TANK: variants seen among roughly 807,000 people sequenced by gnomAD.
The protein encoded by TANK is TRAF family member-associated NF-kappa-B activator.
TANK carries 15 observed loss-of-function variants against 43.6 expected under a neutral mutation model. That is an observed-to-expected ratio of 0.34 (90% CI 0.23 to 0.53). TANK has a LOEUF of 0.53. Among genes scored for constraint, TANK ranks in the 20% least tolerant of loss-of-function variants. TANK has a pLI of 0.94. For missense variants in TANK, 417 were observed against 498.6 expected (o/e 0.84, Z 1.56); for synonymous variants, 162 against 178.2 (o/e 0.91, Z 0.73).
At chr2:161,212,063 C>CTTTTT (rs11375138) in intron 4 of TANK, 17 of 649,394 alleles carry the variant, frequency 2.6e-5, no homozygotes, top group African/African-American at 2.3e-4. Context: ...AATACATAAA[C>CTTTTT]TTTTTTTTTT....
chr2:161,183,717 G>A (rs1685532278), intron 2 of TANK, among the ~76,000 whole-genome samples: 1 of 151,982 alleles, frequency 6.6e-6, no homozygotes, highest in Non-Finnish European at 1.5e-5. Flanking sequence ...ATATATTCTT[G>A]TATGTTAAAA....
chr2:161,204,321 G>A (rs562903454), intron 3 of TANK, among the ~76,000 whole-genome samples: 1 of 152,126 alleles, frequency 6.6e-6, no homozygotes, highest in East Asian at 1.9e-4. Context: ...TAATAAGCAT[G>A]GAGTCATAAT....
chr2:161,171,747 C>T (rs1276232649), intron 1 of TANK, among the ~76,000 whole-genome samples: 1 of 152,084 alleles, frequency 6.6e-6, no homozygotes, highest in Admixed American at 6.5e-5. Flanking sequence ...CAGTAAATGA[C>T]TCAGGGATAC....
chr2:161,211,759 A>G (rs1686898381), intron 4 of TANK: 1 of 985,430 alleles, frequency 1.0e-6, no homozygotes, highest in Non-Finnish European at 1.2e-6. Flanking sequence ...TGCACACTGT[A>G]CAATGGCACA....
chr2:161,223,605 CA>C (rs921594647), intron 4 of TANK: 1 of 186,822 alleles, frequency 5.4e-6, no homozygotes, highest in African/African-American at 2.3e-5. Context: ...GCTTGGTGAA[CA>C]GAGCAGCAAT....
At position 161,236,129 on chromosome 2, in the gene TANK, G is replaced by A. The variant is rs7309; in HGVS notation, c.*611G>A. ...AATATACATGGCTTTAATTTTTACTGTGTGTATAGCTACATGATGAAATTA... is the reference window on the plus strand; with the variant it reads ...AATATACATGGCTTTAATTTTTACTATGTGTATAGCTACATGATGAAATTA... On this transcript the variant is annotated 3_prime_UTR_variant, in exon 8 of 8. Transcript: ENST00000392749. 0.43 allele frequency: 63,962 copies of A among 149,948 alleles called. 14,328 individuals are homozygous for A. Among genetic ancestry groups the A allele is most frequent in the Admixed American group, 0.55 (8,297 of 15,108 alleles). 9.3% of individuals were successfully genotyped at this position (149,948 alleles called of 1,614,324 possible).
At chr2:161,210,523 C>A (rs190171977) in intron 4 of TANK, among the ~76,000 whole-genome samples, 1 of 151,546 alleles carries the variant, frequency 6.6e-6, no homozygotes, top group Admixed American at 6.6e-5. Flanking sequence ...AAAATGAAAC[C>A]CCGTCTCTAC....
chr2:161,187,620 G>A (rs1355002363), intron 2 of TANK, among the ~76,000 whole-genome samples: 3 of 152,074 alleles, frequency 2.0e-5, no homozygotes, highest in African/African-American at 7.2e-5. Context: ...ATAATAGTAG[G>A]AGAATTAAAG....
intron 1 of TANK, among the ~76,000 whole-genome samples, chr2:161,172,094 AAGC>A: frequency 6.6e-6 from 1 of 152,310 alleles, no homozygotes; most frequent in East Asian, 1.9e-4. Context: ...AAGGTTAACA[AAGC>A]AGAGCATTAG....
rs1280461107 is a variant in TANK at position 161,235,778 on chromosome 2, A to C, written c.*260A>C. 3.8e-6 allele frequency: 1 copy of C among 261,128 alleles called. No homozygotes were observed. Among genetic ancestry groups the C allele is most frequent in the East Asian group, 7.8e-5 (1 of 12,740 alleles). The allele number at this position is 261,128 out of a possible 1,614,324, so 16.2% of individuals were successfully genotyped here. A position where few individuals can be genotyped will look rare whatever the true frequency, so the allele number is the denominator to read the frequency against. The stretch of plus-strand genomic sequence containing the variant: ...TGTAATCCTTTGTATTCATGTTTAC[A>C]GTGCTATTACTATAATTCAAAATTA... On this transcript the variant is annotated 3_prime_UTR_variant, in exon 8 of 8. Coordinates refer to ENST00000392749, the MANE Select transcript of TANK (RefSeq NM_001199135.3).
chr2:161,161,596 T>C (rs1469694843), intron 1 of TANK: 11 of 1,080,530 alleles, frequency 1.0e-5, no homozygotes, highest in Non-Finnish European at 1.4e-5. Context: ...TTATTTTGCT[T>C]TCTTATGAAA....
intron 4 of TANK, among the ~76,000 whole-genome samples, chr2:161,206,626 C>T (rs1490739586): frequency 6.6e-6 from 1 of 151,940 alleles, no homozygotes; most frequent in Non-Finnish European, 1.5e-5. Flanking sequence ...CACCCCCATT[C>T]GAATTTTCAT....
chr2:161,234,943 G>A (rs1478583743), intron 7 of TANK, among the ~76,000 whole-genome samples: 2 of 152,168 alleles, frequency 1.3e-5, no homozygotes, highest in Non-Finnish European at 2.9e-5. Flanking sequence ...TGTGTACTAT[G>A]TAATTAATAA....
chr2:161,210,169 A>G (rs1045206942), intron 4 of TANK, among the ~76,000 whole-genome samples: 1 of 152,192 alleles, frequency 6.6e-6, no homozygotes. Context: ...TTAGAATAGT[A>G]TAAACAGTGA....
At chr2:161,221,161 G>A (rs1174885887) in intron 4 of TANK, among the ~76,000 whole-genome samples, 1 of 152,100 alleles carries the variant, frequency 6.6e-6, no homozygotes, top group African/African-American at 2.4e-5. Flanking sequence ...AGTATGATGT[G>A]TAAAACTCTT....
At chr2:161,209,420 A>G (rs558114317) in intron 4 of TANK, among the ~76,000 whole-genome samples, 3 of 152,208 alleles carry the variant, frequency 2.0e-5, no homozygotes, top group African/African-American at 4.8e-5. Context: ...TATTTGTGTA[A>G]CAAATATAAA....
intron 7 of TANK, 53 bp downstream of exon 7, chr2:161,231,604 C>A: frequency 6.7e-7 from 1 of 1,486,166 alleles, no homozygotes; most frequent in Non-Finnish European, 9.3e-7. Flanking sequence ...CACATTTTGC[C>A]ATACATGCAC....
At chr2:161,234,774 GAT>G (rs1383258444) in intron 7 of TANK, among the ~76,000 whole-genome samples, 1 of 152,164 alleles carries the variant, frequency 6.6e-6, no homozygotes, top group Non-Finnish European at 1.5e-5. Context: ...AAAAACAAAA[GAT>G]AACATCAGTG....
At chr2:161,166,796 A>AG (rs1684701963) in intron 1 of TANK, among the ~76,000 whole-genome samples, 1 of 145,288 alleles carries the variant, frequency 6.9e-6, no homozygotes, top group African/African-American at 2.7e-5. Context: ...GCTCTGTCTC[A>AG]AAAAAAAAAC....
Sources: allele counts gnomAD v4.1 joint callset (sites outside exome capture counted in the v4.1 genomes callset), GRCh38; gene constraint gnomAD v4.1.1; transcripts MANE v1.5; gene names NCBI Gene and HGNC (gene_info 2026-07-23, HGNC 2026-07-21).